SMIM36: variants seen among roughly 807,000 people sequenced by gnomAD.
SMIM36 encodes small integral membrane protein 36.
chr17:55,508,771 A>G (rs145190739), intron 1 of SMIM36, among the ~76,000 whole-genome samples: 5,948 of 151,806 alleles, frequency 0.039, 138 homozygotes, highest in African/African-American at 0.06. Context: ...AAAAATACAA[A>G]AATTAGCTGC....
At chr17:55,453,080 C>A (rs562062958) in intron 4 of SMIM36, among the ~76,000 whole-genome samples, 39 of 152,218 alleles carry the variant, frequency 2.6e-4, no homozygotes, top group African/African-American at 9.2e-4. Flanking sequence ...GAGGCTGAGG[C>A]AGAAAGATCA....
chr17:55,467,504 C>T (rs1909260450), intron 3 of SMIM36, among the ~76,000 whole-genome samples, 176 bp from the exon 4 acceptor site: 1 of 151,952 alleles, frequency 6.6e-6, no homozygotes, highest in Non-Finnish European at 1.5e-5. Context: ...TCATGCCATT[C>T]TCCTGCCTCA....
At chr17:55,454,249 A>G (rs1021055553) in intron 4 of SMIM36, among the ~76,000 whole-genome samples, 3 of 152,242 alleles carry the variant, frequency 2.0e-5, no homozygotes. Context: ...AAGCCCCCAA[A>G]TAAATTATCT....
intron 1 of SMIM36, among the ~76,000 whole-genome samples, chr17:55,501,396 ATATATTATTATATATTATAAAATATAAT>A (rs1567871181): frequency 6.2e-5 from 1 of 16,152 alleles, no homozygotes; most frequent in Non-Finnish European, 1.2e-4. Context: ...ATAATATATT[ATATATTATTATATATTATAAAATATAAT>A]ATATTATTAT....
At chr17:55,529,069 G>T in the SMIM36 span, among the ~76,000 whole-genome samples, 1 of 152,162 alleles carries the variant, frequency 6.6e-6, no homozygotes, top group African/African-American at 2.4e-5. Flanking sequence ...TCCTTCAGAT[G>T]TTTGTTCTGG....
intron 1 of SMIM36, among the ~76,000 whole-genome samples, chr17:55,503,889 G>A (rs1460217289): frequency 7.5e-6 from 1 of 133,712 alleles, no homozygotes; most frequent in Non-Finnish European, 1.6e-5. Context: ...CATCTACCAA[G>A]CAAATGGAAA....
At chr17:55,516,894 A>G in the SMIM36 span, among the ~76,000 whole-genome samples, 1 of 152,096 alleles carries the variant, frequency 6.6e-6, no homozygotes, top group South Asian at 2.1e-4. Context: ...TTGAAAAAGG[A>G]ATTCTAAGGG....
the SMIM36 span, among the ~76,000 whole-genome samples, chr17:55,519,935 G>A: frequency 2.6e-5 from 4 of 152,150 alleles, no homozygotes; most frequent in South Asian, 4.1e-4. Context: ...AACAAATTTC[G>A]TGGCTTAAAA....
At chr17:55,465,239 G>T (rs975253274) in intron 4 of SMIM36, among the ~76,000 whole-genome samples, 6 of 152,196 alleles carry the variant, frequency 3.9e-5, no homozygotes, top group Admixed American at 3.3e-4. Flanking sequence ...TATCATTTTG[G>T]AGTCAGACAG....
At chr17:55,490,646 T>C (rs913051621) in intron 1 of SMIM36, among the ~76,000 whole-genome samples, 2 of 152,178 alleles carry the variant, frequency 1.3e-5, no homozygotes, top group Admixed American at 1.3e-4. Context: ...TCTTTCCTAC[T>C]TCAAGCACTT....
At chr17:55,465,274 A>G (rs1909216936) in intron 4 of SMIM36, among the ~76,000 whole-genome samples, 1 of 152,248 alleles carries the variant, frequency 6.6e-6, no homozygotes, top group South Asian at 2.1e-4. Flanking sequence ...AAGTTCTGAC[A>G]CTTACTATGT....
chr17:55,501,540 T>A (rs1304732665), intron 1 of SMIM36, among the ~76,000 whole-genome samples: 6 of 119,026 alleles, frequency 5.0e-5, no homozygotes, highest in African/African-American at 2.0e-4. Flanking sequence ...TATAATTATA[T>A]ACAATATTAT....
rs201480861 is a variant in SMIM36, at chr17:55,482,909, A to T, written c.*175-3329T>A. 4.6e-5 allele frequency among the ~76,000 whole-genome samples: 7 copies of T among 152,380 alleles called. No individual in the cohort carries two copies. The East Asian group carries it at 1.2e-3, about 25-fold the overall frequency. Reference sequence around the variant, plus strand: ...AAGTCATTGAACATTGTAATGCAGCATTACACTTACGACTATAGCTTCAAG... The same window carrying T: ...AAGTCATTGAACATTGTAATGCAGCTTTACACTTACGACTATAGCTTCAAG... On this transcript the variant is annotated intron_variant, in intron 1 of 4. Coordinates refer to ENST00000636752, the Ensembl canonical transcript of SMIM36.
rs796506078 is a variant in SMIM36 at position 55,466,277 on chromosome 17, CAAAAAAA to C, written c.*531+861_*531+867del. 3.2e-3 allele frequency among the ~76,000 whole-genome samples: 152 copies of C among 46,882 alleles called. 1 individual carries two copies. The highest frequency in any genetic ancestry group is 0.011 in the African/African-American group (141 of 13,412). 30.8% of individuals were successfully genotyped at this position (46,882 alleles called of 152,430 possible). On this transcript the variant is annotated intron_variant, in intron 4 of 4. Transcript: ENST00000636752. Reference sequence around the variant, plus strand: ...GGGCAACAAGATCAAGACTCCGTCTCAAAAAAAAAAAAAAAAAAAAAAAAAGAAAGTG... The same window carrying C: ...GGGCAACAAGATCAAGACTCCGTCTCAAAAAAAAAAAAAAAAAAGAAAGTG...
intron 1 of SMIM36, among the ~76,000 whole-genome samples, chr17:55,486,005 A>G (rs891336185): frequency 1.3e-5 from 2 of 150,498 alleles, no homozygotes; most frequent in African/African-American, 4.9e-5. Context: ...TGAAGAAAAG[A>G]AAGAAAGAGC....
chr17:55,528,027 C>G, the SMIM36 span: 1 of 152,296 alleles, frequency 6.6e-6, no homozygotes, highest in African/African-American at 2.4e-5. Flanking sequence ...AGTCACTGGT[C>G]AGAGTCTTAG....
exon 1 of SMIM36, chr17:55,511,057 A>G: frequency 2.5e-6 from 1 of 398,478 alleles, no homozygotes; most frequent in Non-Finnish European, 4.4e-6. Context: ...CCAGCCTCAT[A>G]CCATGGTGCT....
chr17:55,456,502 C>T (rs1241255798), intron 4 of SMIM36, among the ~76,000 whole-genome samples: 1 of 152,168 alleles, frequency 6.6e-6, no homozygotes. Context: ...TGACTTATTG[C>T]ACAACCAGGA....
chr17:55,496,256 T>C (rs1909805605), intron 1 of SMIM36, among the ~76,000 whole-genome samples: 1 of 152,154 alleles, frequency 6.6e-6, no homozygotes, highest in African/African-American at 2.4e-5. Context: ...TCCTAGTGTC[T>C]CCTGAGCTTT....
Sources: allele counts gnomAD v4.1 joint callset (sites outside exome capture counted in the v4.1 genomes callset), GRCh38; gene constraint gnomAD v4.1.1; transcripts MANE v1.5; gene names NCBI Gene and HGNC (gene_info 2026-07-23, HGNC 2026-07-21).